Variants in GRM7 observed in about 807,000 individuals in gnomAD.
The protein encoded by GRM7 is metabotropic glutamate receptor 7.
GRM7 carries 35 observed loss-of-function variants against 84.5 expected under a neutral mutation model. That is an observed-to-expected ratio of 0.41 (90% confidence interval 0.32 to 0.55). The LOEUF (loss-of-function observed/expected upper bound fraction) is 0.55, where lower values mean the gene tolerates loss of function less well. Ranked by LOEUF, GRM7 falls within the 20% of genes least tolerant of loss-of-function variation. The pLI is 0.19. For missense variants in GRM7, 1,003 were observed against 1,194.6 expected (o/e 0.84, Z 2.36); for synonymous variants, 487 against 455.1 (o/e 1.07, Z -0.89).
chr3:7,575,470 C>T (rs181602128), intron 7 of GRM7, among the ~76,000 whole-genome samples: 1 of 152,098 alleles, frequency 6.6e-6, no homozygotes, highest in African/African-American at 2.4e-5. Context: ...TTTTTCATAG[C>T]GTTAAATAAT....
intron 1 of GRM7, among the ~76,000 whole-genome samples, chr3:7,137,436 G>A (rs1693806912): frequency 6.6e-6 from 1 of 151,920 alleles, no homozygotes; most frequent in South Asian, 2.1e-4. Context: ...TTTAACAATG[G>A]CCAGGAAAGT....
intron 8 of GRM7, among the ~76,000 whole-genome samples, chr3:7,652,397 A>C (rs1698985776): frequency 6.6e-6 from 1 of 152,186 alleles, no homozygotes; most frequent in African/African-American, 2.4e-5. Flanking sequence ...TTAGAGCAGT[A>C]CCCGGCAAAG....
At chr3:7,499,698 G>C (rs1699820841) in intron 7 of GRM7, among the ~76,000 whole-genome samples, 1 of 151,612 alleles carries the variant, frequency 6.6e-6, no homozygotes, top group Non-Finnish European at 1.5e-5. Context: ...ACACTCCCAA[G>C]ATAAAACTGT....
intron 4 of GRM7, among the ~76,000 whole-genome samples, chr3:7,409,447 G>T (rs1695820346): frequency 6.6e-6 from 1 of 151,392 alleles, no homozygotes; most frequent in Admixed American, 6.6e-5. Context: ...GGGGGGTGGG[G>T]GGTAGCTATT....
chr3:7,593,890 C>T (rs971795625), intron 8 of GRM7, among the ~76,000 whole-genome samples: 1 of 151,906 alleles, frequency 6.6e-6, no homozygotes, highest in East Asian at 1.9e-4. Flanking sequence ...TTCCCAAGCA[C>T]CTGCACATTT....
At chr3:6,988,900 T>A (rs1230207987) in intron 1 of GRM7, among the ~76,000 whole-genome samples, 1 of 152,236 alleles carries the variant, frequency 6.6e-6, no homozygotes, top group Admixed American at 6.5e-5. Context: ...GCAATGTTTC[T>A]CAAAGGCTCA....
chr3:7,024,599 A>G (rs955556219), intron 1 of GRM7, among the ~76,000 whole-genome samples: 8 of 152,230 alleles, frequency 5.3e-5, no homozygotes, highest in African/African-American at 1.9e-4. Context: ...TGCAGCAGGC[A>G]TGGAGATGCC....
intron 1 of GRM7, among the ~76,000 whole-genome samples, chr3:7,069,929 A>T (rs1697800503): frequency 6.6e-6 from 1 of 152,088 alleles, no homozygotes; most frequent in African/African-American, 2.4e-5. Context: ...CTTTCCATAG[A>T]GTTGGAGGAG....
intron 7 of GRM7, among the ~76,000 whole-genome samples, chr3:7,539,197 GC>G (rs1692725416): frequency 6.6e-6 from 1 of 152,062 alleles, no homozygotes; most frequent in Non-Finnish European, 1.5e-5. Flanking sequence ...AGCTGGGTGG[GC>G]TATACCACTC....
intron 1 of GRM7, among the ~76,000 whole-genome samples, chr3:7,051,098 G>A (rs972989999): frequency 3.3e-5 from 5 of 151,700 alleles, no homozygotes; most frequent in African/African-American, 4.8e-5. Context: ...AGAGTTTGGG[G>A]ATCACTGCTT....
At chr3:7,375,745 C>G (rs529026155) in intron 4 of GRM7, among the ~76,000 whole-genome samples, 16 of 152,240 alleles carry the variant, frequency 1.1e-4, no homozygotes, top group African/African-American at 3.6e-4. Context: ...GCCCCTAATT[C>G]TAGGTTCATC....
chr3:6,933,623 G>T (rs915539883), intron 1 of GRM7, among the ~76,000 whole-genome samples: 1 of 151,846 alleles, frequency 6.6e-6, no homozygotes, highest in East Asian at 1.9e-4. Context: ...TGACTTGCAA[G>T]ATCAAATCAG....
intron 4 of GRM7, among the ~76,000 whole-genome samples, chr3:7,388,889 C>G (rs1371864808): frequency 6.6e-6 from 1 of 151,934 alleles, no homozygotes; most frequent in Non-Finnish European, 1.5e-5. Flanking sequence ...TAGTTCTCTT[C>G]TGATGGTAGT....
intron 1 of GRM7, among the ~76,000 whole-genome samples, chr3:7,010,053 A>G (rs1262903846): frequency 2.6e-5 from 4 of 152,244 alleles, no homozygotes; most frequent in African/African-American, 9.6e-5. Flanking sequence ...TATTACAGAT[A>G]TAACAAGAAA....
chr3:7,415,592 A>G (rs1696127804), intron 5 of GRM7, among the ~76,000 whole-genome samples: 1 of 152,194 alleles, frequency 6.6e-6, no homozygotes, highest in East Asian at 1.9e-4. Flanking sequence ...AATGATTTTC[A>G]TTAATGTCTA....
chr3:7,185,072 T>C (rs1695469070), intron 2 of GRM7, among the ~76,000 whole-genome samples: 1 of 152,188 alleles, frequency 6.6e-6, no homozygotes, highest in Admixed American at 6.5e-5. Flanking sequence ...GTTTGGAAAG[T>C]CAAAATGGCT....
At chr3:7,172,214 T>C (rs1305667595) in intron 2 of GRM7, among the ~76,000 whole-genome samples, 1 of 152,174 alleles carries the variant, frequency 6.6e-6, no homozygotes, top group Non-Finnish European at 1.5e-5. Context: ...TAATTTTTTT[T>C]TAAGTAACAA....
chr3:7,465,921 C>T (rs1434971797), intron 7 of GRM7, among the ~76,000 whole-genome samples: 1 of 152,066 alleles, frequency 6.6e-6, no homozygotes, highest in African/African-American at 2.4e-5. Context: ...GTCTCATGTA[C>T]CCTCACTACA....
At chr3:7,320,018 C>T (rs112205816) in intron 4 of GRM7, among the ~76,000 whole-genome samples, 8 of 152,060 alleles carry the variant, frequency 5.3e-5, no homozygotes, top group African/African-American at 1.9e-4. Context: ...ATTCTACCAT[C>T]CTCATAGAGG....
Sources: gnomAD v4.1 joint callset for allele counts (sites outside exome capture counted in the v4.1 genomes callset) on GRCh38, gnomAD v4.1.1 for gene constraint, MANE v1.5 for transcripts, NCBI Gene and HGNC (gene_info 2026-07-23, HGNC 2026-07-21) for gene names.